SORCS2: variants seen among roughly 807,000 people sequenced by gnomAD.
The protein encoded by SORCS2 is sortilin related VPS10 domain containing receptor 2.
In SORCS2, 100 loss-of-function variants were observed where a neutral mutation model predicts 141.6. That is an observed-to-expected ratio of 0.71 (90% CI 0.60 to 0.83). The LOEUF (loss-of-function observed/expected upper bound fraction) is 0.83, where lower values mean the gene tolerates loss of function less well. Ranked by LOEUF, SORCS2 falls within the 40% of genes least tolerant of loss-of-function variation. The pLI, the probability that SORCS2 is intolerant of heterozygous loss-of-function variation, is 0.00. For missense variants in SORCS2, 1,646 were observed against 1,560.2 expected, an observed-to-expected ratio of 1.05 and a Z score of -0.93; for synonymous variants, 789 against 676.9, an observed-to-expected ratio of 1.17 and a Z score of -2.57.
At chr4:7,365,970 G>A (rs1265083787) in intron 1 of SORCS2, among the ~76,000 whole-genome samples, 1 of 152,230 alleles carries the variant, frequency 6.6e-6, no homozygotes, top group African/African-American at 2.4e-5. Flanking sequence ...CGGGAAGACA[G>A]TCAGTATGGG....
chr4:7,342,647 A>G (rs1720430938), intron 1 of SORCS2, among the ~76,000 whole-genome samples: 1 of 152,066 alleles, frequency 6.6e-6, no homozygotes, highest in Non-Finnish European at 1.5e-5. Flanking sequence ...AAACACAGGG[A>G]AGAAGCCCTG....
intron 1 of SORCS2, among the ~76,000 whole-genome samples, chr4:7,283,695 C>T (rs1041107045): frequency 5.9e-5 from 9 of 152,056 alleles, no homozygotes; most frequent in African/African-American, 1.7e-4. Flanking sequence ...AAGCACTGTG[C>T]GGTGGGCAGT....
intron 2 of SORCS2, among the ~76,000 whole-genome samples, chr4:7,397,779 G>C (rs559505589): frequency 6.6e-6 from 1 of 152,330 alleles, no homozygotes; most frequent in Admixed American, 6.5e-5. Context: ...GGACAGGGCA[G>C]GCCCAGGGAG....
intron 2 of SORCS2, among the ~76,000 whole-genome samples, chr4:7,481,902 G>C (rs953847636): frequency 5.8e-5 from 6 of 104,270 alleles, no homozygotes; most frequent in African/African-American, 1.7e-4. Context: ...GTTCAGACCT[G>C]TATCCCCACT....
intron 2 of SORCS2, among the ~76,000 whole-genome samples, chr4:7,469,267 GTGT>G (rs1729826200): frequency 6.6e-6 from 1 of 151,612 alleles, no homozygotes; most frequent in Non-Finnish European, 1.5e-5. Flanking sequence ...GGTAATGGTG[GTGT>G]TGGTGATGAT....
intron 1 of SORCS2, among the ~76,000 whole-genome samples, chr4:7,273,596 C>T (rs1459800736): frequency 2.6e-5 from 4 of 152,188 alleles, no homozygotes; most frequent in African/African-American, 7.2e-5. Flanking sequence ...CCCATCCTTC[C>T]ACCTTTGCAC....
intron 1 of SORCS2, among the ~76,000 whole-genome samples, chr4:7,256,728 G>A (rs1013062451): frequency 1.3e-5 from 2 of 150,098 alleles, no homozygotes; most frequent in South Asian, 2.2e-4. Flanking sequence ...GCTGCGTCTC[G>A]CATGATGGGG....
At chr4:7,503,638 A>C (rs560103664) in intron 2 of SORCS2, among the ~76,000 whole-genome samples, 18 of 152,314 alleles carry the variant, frequency 1.2e-4, no homozygotes, top group African/African-American at 4.1e-4. Flanking sequence ...GGAGAGGCAC[A>C]GGTGCAGATG....
At chr4:7,651,350 T>G (rs1320409759) in intron 4 of SORCS2, among the ~76,000 whole-genome samples, 2 of 152,198 alleles carry the variant, frequency 1.3e-5, no homozygotes, top group East Asian at 3.9e-4. Flanking sequence ...AACTGAGGCC[T>G]GCCCCGGTAG....
Position 7,724,289 on chromosome 4 carries a change from GTGATAA to G in SORCS2, c.2611+409_2611+414del, listed in dbSNP as rs1313711109. Among the ~76,000 whole-genome samples, 111 of 131,050 alleles carry G rather than the reference GTGATAA, an allele frequency of 8.5e-4. No individual in the cohort carries two copies. The South Asian group carries it at 0.012, about 14-fold the overall frequency. The allele number at this position is 131,050 out of a possible 152,430, so 86.0% of individuals were successfully genotyped here. On this transcript the variant is annotated intron_variant, in intron 19 of 26. Coordinates refer to ENST00000507866, the MANE Select transcript of SORCS2 (RefSeq NM_020777.3). ...GGTGATGATGGTGGTGGTGGTGGTG[GTGATAA>G]TGGTGACAATGGTGGTGGTGGTGGT...
chr4:7,696,712 G>C (rs1180707814), intron 11 of SORCS2, among the ~76,000 whole-genome samples: 1 of 152,214 alleles, frequency 6.6e-6, no homozygotes, highest in Admixed American at 6.5e-5. Context: ...CCACCCAGCA[G>C]ATAGTGAGAC....
intron 1 of SORCS2, among the ~76,000 whole-genome samples, chr4:7,285,888 C>G (rs546162858): frequency 1.7e-3 from 265 of 152,332 alleles, no homozygotes; most frequent in African/African-American, 5.8e-3. Flanking sequence ...CTCTGATGTT[C>G]GGTGCAGCCC....
chr4:7,683,018 G>A, intron 10 of SORCS2, 129 bp downstream of exon 10: 1 of 1,203,070 alleles, frequency 8.3e-7, no homozygotes. Flanking sequence ...ACCTATTTCT[G>A]CTGGGTGTGG....
intron 10 of SORCS2, among the ~76,000 whole-genome samples, chr4:7,687,749 A>G (rs756907369): frequency 2.0e-5 from 3 of 152,074 alleles, no homozygotes; most frequent in Non-Finnish European, 4.4e-5. Flanking sequence ...TGCACAGTTC[A>G]CCTTTCAAAT....
chr4:7,651,319 C>T (rs1343157610), intron 4 of SORCS2, among the ~76,000 whole-genome samples: 1 of 152,204 alleles, frequency 6.6e-6, no homozygotes, highest in East Asian at 1.9e-4. Context: ...GGATTGTCAG[C>T]CCAGTTTTAT....
chr4:7,544,986 A>G (rs990695419), intron 3 of SORCS2, among the ~76,000 whole-genome samples: 2 of 152,214 alleles, frequency 1.3e-5, no homozygotes, highest in Non-Finnish European at 2.9e-5. Context: ...ATAGCCAGGC[A>G]GCCTCCCCTG....
chr4:7,536,848 GC>G (rs1712173548), intron 3 of SORCS2, among the ~76,000 whole-genome samples: 3 of 138,936 alleles, frequency 2.2e-5, no homozygotes, highest in Non-Finnish European at 3.0e-5. Context: ...GGGGGGGCGG[GC>G]AGGGCCCACC....
rs1255489959 is a variant in SORCS2 at position 7,209,265 on chromosome 4, C to T, written c.480+16139C>T. On this transcript the variant is annotated intron_variant, in intron 1 of 26. Coordinates refer to ENST00000507866, the MANE Select transcript of SORCS2 (RefSeq NM_020777.3). ...AGCGCCCGAGAGCACGCCCCGCCCC[C>T]GTCTGTGAGGACTTGCTGCTGTGCC... 6.6e-5 allele frequency among the ~76,000 whole-genome samples: 10 copies of T among 152,230 alleles called. 1 individual carries two copies. The South Asian group carries it at 8.3e-4, about 13-fold the overall frequency.
At chr4:7,307,340 G>A (rs1048196072) in intron 1 of SORCS2, among the ~76,000 whole-genome samples, 1 of 152,256 alleles carries the variant, frequency 6.6e-6, no homozygotes, top group African/African-American at 2.4e-5. Context: ...TTTCGTAAAT[G>A]ATTCTTCCAG....
Sources: gnomAD v4.1 joint callset for allele counts (sites outside exome capture counted in the v4.1 genomes callset) on GRCh38, gnomAD v4.1.1 for gene constraint, MANE v1.5 for transcripts, NCBI Gene and HGNC (gene_info 2026-07-23, HGNC 2026-07-21) for gene names.